Variants in SLC1A5 observed in about 807,000 individuals in gnomAD.
SLC1A5 encodes neutral amino acid transporter B(0).
In SLC1A5, 25 loss-of-function variants were observed where a neutral mutation model predicts 34.9. That is an observed-to-expected ratio of 0.72 (90% confidence interval 0.52 to 1.00). SLC1A5 has a LOEUF of 1.00. Ranked by LOEUF, SLC1A5 falls within the 50% of genes least tolerant of loss-of-function variation. The probability of loss-of-function intolerance (pLI) is 0.00; values close to 1 mark genes in which losing one functional copy is unlikely to be tolerated. For missense variants in SLC1A5, 637 were observed against 740.0 expected, an observed-to-expected ratio of 0.86 and a Z score of 1.61; for synonymous variants, 351 against 341.2, an observed-to-expected ratio of 1.03 and a Z score of -0.32.
rs919155598 is a variant in SLC1A5, at chr19:46,777,484, G to A, written c.1059-79C>T. 1.9e-3 allele frequency: 2,637 copies of A among 1,375,696 alleles called. 5 individuals carry two copies. The highest frequency in any genetic ancestry group is 2.4e-3 in the Non-Finnish European group (2,462 of 1,025,884). 85.2% of individuals were successfully genotyped at this position (1,375,696 alleles called of 1,614,324 possible). On this transcript the variant is annotated intron_variant, in intron 5 of 7. Coordinates refer to ENST00000542575, the MANE Select transcript of SLC1A5 (RefSeq NM_005628.3). ...CACCCTCCAGGTCCAGCCCAGGTGA[G>A]GCCTCGCCTACCCCACCCCAACCAG... is the stretch of plus-strand genomic sequence containing the variant.
At chr19:46,786,517 G>A (rs1010740946) in intron 1 of SLC1A5, among the ~76,000 whole-genome samples, 1 of 152,172 alleles carries the variant, frequency 6.6e-6, no homozygotes, top group African/African-American at 2.4e-5. Context: ...CCCCAGTCTC[G>A]CATCTCAGCC....
chr19:46,786,465 C>T (rs555929020), intron 1 of SLC1A5, among the ~76,000 whole-genome samples: 26 of 152,304 alleles, frequency 1.7e-4, no homozygotes, highest in African/African-American at 6.3e-4. Context: ...TCTCCCCCAG[C>T]CAGAAGGTGC....
In SLC1A5 at chr19:46,777,375, G is replaced by T. The variant is rs374257968; in HGVS notation, c.1089C>A (p.Cys363Ter). 6.2e-7 allele frequency: 1 copy of T among 1,612,048 alleles called. No homozygotes were observed. Among genetic ancestry groups the T allele is most frequent in the Non-Finnish European group, 8.5e-7 (1 of 1,179,390 alleles). Reference protein sequence around the residue: ...SSATLPLMMKCVEENNGVAKH... With the variant: ...SSATLPLMMK ...TGGCCACGCCATTATTCTCCTCCAC[G>T]CACTTCATCATCAGCGGCAGCGTGG... Residue 363 changes from cysteine (C) to a stop codon, truncating the protein, a stop_gained, in exon 6 of 8, where the codon TGC becomes TGA. Coordinates refer to ENST00000542575, the MANE Select transcript of SLC1A5 (RefSeq NM_005628.3). LOFTEE classifies it high-confidence loss of function.
In SLC1A5 at chr19:46,788,253, CT is replaced by C. The variant is rs2055200828; in HGVS notation, c.-289del. On this transcript the variant is annotated 5_prime_UTR_variant, in exon 1 of 8. Coordinates refer to ENST00000542575, the MANE Select transcript of SLC1A5 (RefSeq NM_005628.3). ...CGCCCGGGTTCCTTGGCCCTAGGAG[CT>C]GGGAATACGAGAGTTTCTCTGGGTG... 4.9e-6 allele frequency: 2 copies of C among 407,972 alleles called. No homozygotes were observed. The highest frequency in any genetic ancestry group is 4.2e-5 in the African/African-American group (2 of 48,070). 25.3% of individuals were successfully genotyped at this position (407,972 alleles called of 1,614,324 possible).
intron 4 of SLC1A5, among the ~76,000 whole-genome samples, chr19:46,780,646 C>G (rs1184972569): frequency 6.6e-6 from 1 of 151,150 alleles, no homozygotes; most frequent in Non-Finnish European, 1.5e-5. Context: ...GTGTGAGGTA[C>G]CACAACCAGC....
At position 46,776,197 on chromosome 19, in the gene SLC1A5, ATT is replaced by A. The variant is rs57733706; in HGVS notation, c.1389-452_1389-451del. The stretch of plus-strand genomic sequence containing the variant: ...ACCATTGCCAATAATTAATTCCAGA[ATT>A]TTTTTTTTTTTTTTTTTTTGAGACA... On this transcript the variant is annotated intron_variant, in intron 7 of 7. Transcript: ENST00000542575. 5.9e-3 allele frequency among the ~76,000 whole-genome samples: 719 copies of A among 121,680 alleles called. 9 individuals carry two copies. The highest frequency in any genetic ancestry group is 0.015 in the South Asian group (55 of 3,692). The allele number at this position is 121,680 out of a possible 152,430, so 79.8% of individuals were successfully genotyped here.
Position 46,788,269 on chromosome 19 carries a change from T to G in SLC1A5, c.-304A>C. 1 of 361,896 alleles carries G rather than the reference T, an allele frequency of 2.8e-6. No homozygotes were observed. Among genetic ancestry groups the G allele is most frequent in the Non-Finnish European group, 5.0e-6 (1 of 201,484 alleles). The allele number at this position is 361,896 out of a possible 1,614,324, so 22.4% of individuals were successfully genotyped here. ...CCCTAGGAGCTGGGAATACGAGAGT[T>G]TCTCTGGGTGGGACGTGGGGCCCTT... On this transcript the variant is annotated 5_prime_UTR_variant, in exon 1 of 8. Coordinates refer to ENST00000542575, the MANE Select transcript of SLC1A5 (RefSeq NM_005628.3).
intron 4 of SLC1A5, 36 bp downstream of exon 4, chr19:46,782,347 C>CCCCCCCCCCCCCCCCCCCCACA: frequency 3.4e-6 from 1 of 297,836 alleles, no homozygotes; most frequent in Non-Finnish European, 6.4e-6. Flanking sequence ...GACCCTCCAA[C>CCCCCCCCCCCCCCCCCCCCACA]CCCACCCACC....
At chr19:46,786,053 CAA>C (rs34681600) in intron 1 of SLC1A5, among the ~76,000 whole-genome samples, 27 of 102,568 alleles carry the variant, frequency 2.6e-4, no homozygotes, top group Admixed American at 2.1e-4. Flanking sequence ...GAGACTGTCT[CAA>C]AAAAAAAAAA....
intron 1 of SLC1A5, chr19:46,784,834 CGGCAGGCCA>C: frequency 7.1e-7 from 1 of 1,413,042 alleles, no homozygotes; most frequent in Non-Finnish European, 9.2e-7. Flanking sequence ...TGGCCTCCCA[CGGCAGGCCA>C]GGGCAGGTCG....
rs1288117496 is a variant in SLC1A5, at chr19:46,787,455, T to C, written c.511A>G (p.Ser171Gly). ...TCCTTGCTGGGGGCATTTTCGGCACTGCCCGCGGCTCCCACGGAGGCGTTG... is the reference window on the plus strand; with the variant it reads ...TCCTTGCTGGGGGCATTTTCGGCACCGCCCGCGGCTCCCACGGAGGCGTTG... ...AINASVGAAGSAENAPSKEVL... is the reference protein window; with the variant it reads ...AINASVGAAGGAENAPSKEVL... The change falls in exon 1 of 8, where the codon AGT becomes GGT. Residue 171 changes from serine (S) to glycine (G), a missense_variant. Ser to Gly is a moderately conservative substitution (Grantham distance 56, BLOSUM62 0). Coordinates refer to ENST00000542575, the MANE Select transcript of SLC1A5 (RefSeq NM_005628.3). This position sits in a 1 kb window ranked among gnomAD's most constrained non-coding sequence, Gnocchi z 5.2. 2 of 1,599,810 alleles carry C rather than the reference T, an allele frequency of 1.3e-6. No individual in the cohort carries two copies. The highest frequency in any genetic ancestry group is 2.3e-5 in the East Asian group (1 of 44,342).
chr19:46,781,856 A>G (rs946849220), intron 4 of SLC1A5, among the ~76,000 whole-genome samples: 1 of 152,172 alleles, frequency 6.6e-6, no homozygotes, highest in Non-Finnish European at 1.5e-5. Flanking sequence ...GTAGGCACGC[A>G]ATAAGCCAGG....
At chr19:46,781,476 T>C (rs2055145841) in intron 4 of SLC1A5, among the ~76,000 whole-genome samples, 1 of 152,134 alleles carries the variant, frequency 6.6e-6, no homozygotes, top group Admixed American at 6.6e-5. Flanking sequence ...CGCATGCCTG[T>C]AATCCCAGCT....
chr19:46,780,155 C>T (rs1407570377), intron 4 of SLC1A5, among the ~76,000 whole-genome samples: 2 of 151,546 alleles, frequency 1.3e-5, no homozygotes, highest in African/African-American at 4.8e-5. Context: ...CTGGGCCACC[C>T]AGTTTCTTAA....
In SLC1A5 at chr19:46,788,026, C is replaced by T. The variant is rs1246025613; in HGVS notation, c.-61G>A. 11 of 1,444,088 alleles carry T rather than the reference C, an allele frequency of 7.6e-6. No individual in the cohort carries two copies. Among genetic ancestry groups the T allele is most frequent in the Non-Finnish European group, 9.2e-6 (10 of 1,088,802 alleles). The allele number at this position is 1,444,088 out of a possible 1,614,324, so 89.5% of individuals were successfully genotyped here. Reference sequence around the variant, plus strand: ...CTGGCTGGGAGCGCTTGGGCTCCTTCCCAGGACCCGACGTTCCTAGGACTG... The same window carrying T: ...CTGGCTGGGAGCGCTTGGGCTCCTTTCCAGGACCCGACGTTCCTAGGACTG... On this transcript the variant is annotated 5_prime_UTR_variant, in exon 1 of 8. Transcript: ENST00000542575.
chr19:46,784,489 TC>T (rs1317832476), intron 2 of SLC1A5, 27 bp downstream of exon 2: 1 of 1,612,994 alleles, frequency 6.2e-7, no homozygotes, highest in South Asian at 1.1e-5. Context: ...TCCACCCCCA[TC>T]CCCTCAGGAC....
intron 4 of SLC1A5, among the ~76,000 whole-genome samples, chr19:46,779,329 CAGG>C (rs2055126726): frequency 6.7e-6 from 1 of 148,478 alleles, no homozygotes; most frequent in Non-Finnish European, 1.5e-5. Context: ...GAGGCTCAGG[CAGG>C]AGAATTGCTT....
At chr19:46,779,359 G>T (rs149924505) in intron 4 of SLC1A5, among the ~76,000 whole-genome samples, 1,547 of 151,358 alleles carry the variant, frequency 0.01, 28 homozygotes, top group African/African-American at 0.036. Flanking sequence ...GGGAGGCAGA[G>T]GTTGCTGTGA....
rs567574958 is a variant in SLC1A5 at position 46,787,690 on chromosome 19, C to A, written c.276G>T (p.Pro92=). 317 of 1,590,618 alleles carry A rather than the reference C, an allele frequency of 2.0e-4. 2 individuals carry two copies. In the East Asian group the frequency reaches 7.0e-3, roughly 35 times the overall value. ...GPERLSAFVF[P]GELLLRLLRM... The stretch of plus-strand genomic sequence containing the variant: ...GCAGCAGACGCAGCAGCAGCTCGCC[C>A]GGGAAGACGAAGGCGCTCAAGCGCT... The change falls in exon 1 of 8, where the codon CCG becomes CCT. Residue 92 remains proline (P), a synonymous_variant. Transcript: ENST00000542575. The surrounding 1 kb of genome is among the most constrained non-coding windows in gnomAD (Gnocchi z 5.2).
Sources: allele counts gnomAD v4.1 joint callset (sites outside exome capture counted in the v4.1 genomes callset), GRCh38; gene constraint gnomAD v4.1.1; non-coding constraint Gnocchi (gnomAD v3.1); transcripts MANE v1.5; gene names NCBI Gene and HGNC (gene_info 2026-07-23, HGNC 2026-07-21).